Variants in MSH3 observed in about 807,000 individuals in gnomAD.
MSH3 encodes the protein DNA mismatch repair protein Msh3.
In MSH3, 106 loss-of-function variants were observed where a neutral mutation model predicts 123.3. The observed-to-expected ratio is 0.86, with a 90% CI of 0.73 to 1.01. The LOEUF (loss-of-function observed/expected upper bound fraction) is 1.01. MSH3 is among the 50% of genes least tolerant of loss of function. MSH3 has a pLI of 0.00. For missense variants in MSH3, 1,459 were observed against 1,347.6 expected (o/e 1.08, Z -1.29); for synonymous variants, 515 against 481.4 (o/e 1.07, Z -0.91).
At chr5:80,779,203 G>C (rs1744365390) in intron 17 of MSH3, among the ~76,000 whole-genome samples, 1 of 151,854 alleles carries the variant, frequency 6.6e-6, no homozygotes, top group South Asian at 2.1e-4. Flanking sequence ...ATGTTGGCCA[G>C]GCTGATGTTG....
intron 6 of MSH3, 111 bp from the exon 7 acceptor site, chr5:80,674,872 G>A (rs573008523): frequency 1.4e-5 from 14 of 966,140 alleles, no homozygotes; most frequent in African/African-American, 6.5e-5. Context: ...GAGCCACTGC[G>A]CCTGGCTGTG....
intron 2 of MSH3, among the ~76,000 whole-genome samples, chr5:80,660,184 A>G (rs1202201757): frequency 5.3e-5 from 8 of 152,124 alleles, no homozygotes; most frequent in Non-Finnish European, 1.0e-4. Context: ...TGGGAGTTGA[A>G]AGGCACTTCT....
At chr5:80,823,849 C>T (rs28447493) in intron 20 of MSH3, among the ~76,000 whole-genome samples, 5,900 of 152,014 alleles carry the variant, frequency 0.039, 141 homozygotes, top group Middle Eastern at 0.058. Context: ...TGCGGCCTTC[C>T]GCAGTGTTTG....
intron 18 of MSH3, among the ~76,000 whole-genome samples, chr5:80,790,093 C>T (rs1039797688): frequency 5.9e-5 from 9 of 152,100 alleles, no homozygotes; most frequent in Non-Finnish European, 5.9e-5. Flanking sequence ...AATAAGCATA[C>T]TCTGTGACTT....
intron 15 of MSH3, among the ~76,000 whole-genome samples, chr5:80,773,196 A>G (rs976707745): frequency 6.6e-6 from 1 of 152,274 alleles, no homozygotes; most frequent in African/African-American, 2.4e-5. Context: ...TCTGTTCCTG[A>G]ATTTTGCTGT....
chr5:80,718,388 G>A (rs1211711289), intron 8 of MSH3, among the ~76,000 whole-genome samples: 1 of 152,110 alleles, frequency 6.6e-6, no homozygotes, highest in African/African-American at 2.4e-5. Flanking sequence ...GAGTAGCTGG[G>A]ACTACAGGTG....
Position 80,768,118 on chromosome 5 carries a change from CAAGT to C in MSH3, c.2084+4_2084+7del. The C allele has an allele frequency of 2.5e-6, 4 of 1,613,116 alleles. No homozygotes were observed. Among genetic ancestry groups the C allele is most frequent in the Non-Finnish European group, 3.4e-6 (4 of 1,179,194 alleles). On this transcript the variant is annotated splice_donor_variant and coding_sequence_variant, in exon 14 of 24. Transcript: ENST00000265081. LOFTEE classifies it high-confidence loss of function. ...TAAAGATACTCAATGAACAAGCTGCCAAGTAAGTACCAGACCCTGAATTCTTCCT... is the reference window on the plus strand; with the variant it reads ...TAAAGATACTCAATGAACAAGCTGCCAAGTACCAGACCCTGAATTCTTCCT...
At chr5:80,866,313 A>G (rs944365263) in intron 22 of MSH3, among the ~76,000 whole-genome samples, 4 of 151,964 alleles carry the variant, frequency 2.6e-5, no homozygotes, top group African/African-American at 7.3e-5. Context: ...TGATTTTTGT[A>G]TGTTCTGTAG....
chr5:80,712,904 A>G (rs1306117898), intron 8 of MSH3, among the ~76,000 whole-genome samples: 1 of 152,128 alleles, frequency 6.6e-6, no homozygotes, highest in African/African-American at 2.4e-5. Flanking sequence ...TAGTAATTCT[A>G]ATATGGAGAT....
chr5:80,719,944 C>T (rs1751047250), intron 8 of MSH3, among the ~76,000 whole-genome samples: 1 of 152,160 alleles, frequency 6.6e-6, no homozygotes, highest in Non-Finnish European at 1.5e-5. Context: ...TTCTCTGGCT[C>T]AGTACATGTG....
intron 2 of MSH3, among the ~76,000 whole-genome samples, chr5:80,664,227 G>A (rs1416425431): frequency 6.6e-6 from 1 of 152,226 alleles, no homozygotes; most frequent in African/African-American, 2.4e-5. Context: ...AGGTAGATTT[G>A]AGATGGGTCT....
intron 12 of MSH3, among the ~76,000 whole-genome samples, chr5:80,751,789 C>A (rs538945645): frequency 7.2e-5 from 11 of 152,258 alleles, no homozygotes; most frequent in Non-Finnish European, 1.5e-4. Flanking sequence ...ATAAGGACTT[C>A]AGCATATCTT....
chr5:80,821,326 T>G (rs1039843374), intron 20 of MSH3, among the ~76,000 whole-genome samples: 1 of 152,206 alleles, frequency 6.6e-6, no homozygotes, highest in African/African-American at 2.4e-5. Context: ...GAAAGAACTC[T>G]ACTCCATTGT....
chr5:80,841,928 T>C (rs1347524105), intron 20 of MSH3, among the ~76,000 whole-genome samples: 1 of 152,244 alleles, frequency 6.6e-6, no homozygotes, highest in African/African-American at 2.4e-5. Flanking sequence ...CATTTGTCAA[T>C]TTTGGCTTTT....
chr5:80,847,638 T>G (rs1024464664), intron 20 of MSH3, among the ~76,000 whole-genome samples: 1 of 152,148 alleles, frequency 6.6e-6, no homozygotes, highest in African/African-American at 2.4e-5. Context: ...TTTTAATCCT[T>G]ATTATAAAAT....
chr5:80,725,202 G>A (rs1743257767), intron 8 of MSH3, among the ~76,000 whole-genome samples: 1 of 126,296 alleles, frequency 7.9e-6, no homozygotes, highest in Non-Finnish European at 1.6e-5. Context: ...GCAACAGAGC[G>A]AGACTCCATC....
intron 17 of MSH3, among the ~76,000 whole-genome samples, chr5:80,783,795 C>T (rs992009072): frequency 1.3e-5 from 2 of 152,060 alleles, no homozygotes; most frequent in Admixed American, 6.5e-5. Context: ...GGCAGAAATA[C>T]CAAATATGGC....
At chr5:80,719,064 T>C (rs541982160) in intron 8 of MSH3, among the ~76,000 whole-genome samples, 4 of 151,964 alleles carry the variant, frequency 2.6e-5, no homozygotes, top group East Asian at 3.9e-4. Flanking sequence ...TTTTTTTTTT[T>C]CTGAGACGGA....
intron 19 of MSH3, among the ~76,000 whole-genome samples, chr5:80,809,687 T>C (rs1398664676): frequency 6.6e-6 from 1 of 152,166 alleles, no homozygotes; most frequent in Non-Finnish European, 1.5e-5. Context: ...TCTCTGGCAT[T>C]GCATTCTTAC....
Sources: gnomAD v4.1 joint callset for allele counts (sites outside exome capture counted in the v4.1 genomes callset) on GRCh38, gnomAD v4.1.1 for gene constraint, MANE v1.5 for transcripts, NCBI Gene and HGNC (gene_info 2026-07-23, HGNC 2026-07-21) for gene names.